The following EHBP1 variants were observed in gnomAD, a reference collection of about 807,000 sequenced individuals.
EHBP1 encodes EH domain-binding protein 1.
In EHBP1, 55 loss-of-function variants were observed where a neutral mutation model predicts 144.0. The ratio of observed to expected loss-of-function variants is 0.38; its 90% CI spans 0.31 to 0.48. EHBP1 has a LOEUF of 0.48. Ranked by LOEUF, EHBP1 falls within the 20% of genes least tolerant of loss-of-function variation. EHBP1 has a pLI of 0.98. For synonymous variants in EHBP1, 469 were observed against 472.7 expected (o/e 0.99, Z 0.10); for missense variants, 1,200 against 1,364.2 (o/e 0.88, Z 1.90).
chr2:62,745,877 C>G (rs2039104856), intron 2 of EHBP1, among the ~76,000 whole-genome samples: 1 of 151,972 alleles, frequency 6.6e-6, no homozygotes, highest in Admixed American at 6.6e-5. Flanking sequence ...GTCAAGTAAA[C>G]CTGTAAAATT....
chr2:62,864,709 T>C (rs1187536896), intron 8 of EHBP1, 22 bp from the exon 9 acceptor site: 1 of 1,589,014 alleles, frequency 6.3e-7, no homozygotes, highest in Non-Finnish European at 8.6e-7. Context: ...TGTGATTTAA[T>C]TCATCTGCTA....
intron 15 of EHBP1, 25 bp from the exon 16 acceptor site, chr2:62,990,691 T>G (rs1043880377): frequency 9.3e-6 from 15 of 1,611,246 alleles, no homozygotes; most frequent in Non-Finnish European, 1.3e-5. Flanking sequence ...CACTCAGTTA[T>G]TCATGGTATT....
chr2:62,857,687 C>T (rs2049166447), intron 7 of EHBP1, among the ~76,000 whole-genome samples: 1 of 152,094 alleles, frequency 6.6e-6, no homozygotes, highest in Non-Finnish European at 1.5e-5. Context: ...GTCTAATTTT[C>T]ACCCAATGAG....
chr2:62,859,885 T>A (rs899483470), intron 8 of EHBP1, among the ~76,000 whole-genome samples: 6 of 152,158 alleles, frequency 3.9e-5, no homozygotes, highest in African/African-American at 1.4e-4. Context: ...GAGACTTCTG[T>A]TTAATTGAAC....
At chr2:62,745,774 C>G (rs956565631) in intron 2 of EHBP1, among the ~76,000 whole-genome samples, 1 of 151,750 alleles carries the variant, frequency 6.6e-6, no homozygotes, top group Admixed American at 6.6e-5. Flanking sequence ...TGGAGGCTCT[C>G]CTAATCTGGA....
chr2:62,713,393 C>G (rs1187073194), intron 2 of EHBP1, among the ~76,000 whole-genome samples: 3 of 151,934 alleles, frequency 2.0e-5, no homozygotes, highest in African/African-American at 7.3e-5. Context: ...CGGCATGTAC[C>G]ACCATGTCTG....
chr2:62,689,200 T>G (rs1057292684), intron 1 of EHBP1, among the ~76,000 whole-genome samples: 2 of 152,176 alleles, frequency 1.3e-5, no homozygotes, highest in Admixed American at 1.3e-4. Flanking sequence ...ACACAGAAAC[T>G]TCAGTGCCTC....
chr2:62,942,742 T>A lies in EHBP1; in HGVS notation c.1210T>A (p.Leu404Met). 1.2e-6 allele frequency: 2 copies of A among 1,610,186 alleles called. No homozygotes were observed. The highest frequency in any genetic ancestry group is 1.7e-6 in the Non-Finnish European group (2 of 1,177,542). ...GCCAAGCCCTATACCAAGTCCTGTT[T>A]TGGGGCGAAAGCCAAATGCTAGTCA... ...PKPSPIPSPV[L>M]GRKPNASQSL... Residue 404 changes from leucine to methionine, a missense_variant, in exon 11 of 23, where the codon TTG becomes ATG. Leu to Met is a conservative substitution (Grantham distance 15). Transcript: ENST00000431489.
chr2:62,741,028 G>C (rs998062213), intron 2 of EHBP1, among the ~76,000 whole-genome samples: 15 of 152,000 alleles, frequency 9.9e-5, no homozygotes, highest in African/African-American at 3.6e-4. Flanking sequence ...TTTATTTTTT[G>C]CTCACTTCTC....
intron 7 of EHBP1, among the ~76,000 whole-genome samples, chr2:62,849,365 C>T (rs1048357176): frequency 1.3e-5 from 2 of 152,014 alleles, no homozygotes; most frequent in Admixed American, 6.6e-5. Context: ...CAAGATCAAA[C>T]GTGAGTAAAG....
chr2:62,894,927 A>AGAGAGAGAGAGAGAGAGAGAGAG (rs71410972), intron 10 of EHBP1, among the ~76,000 whole-genome samples: 11 of 141,222 alleles, frequency 7.8e-5, no homozygotes, highest in South Asian at 7.2e-4. Context: ...AACAGAAAGA[A>AGAGAGAGAGAGAGAGAGAGAGAG]AGAGAGAGAG....
intron 5 of EHBP1, among the ~76,000 whole-genome samples, chr2:62,816,694 A>G (rs1326837404): frequency 2.6e-5 from 4 of 152,222 alleles, no homozygotes; most frequent in Non-Finnish European, 4.4e-5. Flanking sequence ...TCATGGATTT[A>G]GCTAGTTTAA....
At chr2:63,025,389 T>A (rs1052709091) in intron 19 of EHBP1, among the ~76,000 whole-genome samples, 2 of 152,174 alleles carry the variant, frequency 1.3e-5, no homozygotes, top group Non-Finnish European at 2.9e-5. Flanking sequence ...AGGCTCTGAG[T>A]GGCTGGTACT....
At position 62,900,937 on chromosome 2, in the gene EHBP1, T is replaced by G. The variant is rs1375890176; in HGVS notation, c.1185+26405T>G. Among the ~76,000 whole-genome samples, 4 of 152,152 alleles carry G rather than the reference T, an allele frequency of 2.6e-5. No homozygotes were observed. The East Asian group carries it at 5.8e-4, about 22-fold the overall frequency. On this transcript the variant is annotated intron_variant, in intron 10 of 22. Coordinates refer to ENST00000431489, the MANE Select transcript of EHBP1 (RefSeq NM_001142616.3). ...AAGTTGTTCTTAGCAGTTGTTTGAG[T>G]TTATATGGTAAGTAGCCAAGTAATT...
rs147200492 is a variant in EHBP1, at chr2:62,892,337, A to G, written c.1185+17805A>G. Among the ~76,000 whole-genome samples the G allele has an allele frequency of 4.7e-4, 72 of 152,296 alleles. 1 individual carries two copies. Among genetic ancestry groups the G allele is most frequent in the African/African-American group, 1.5e-3 (64 of 41,584 alleles). ...TTAGTTTTTTGTGAAGACCATTCAC[A>G]TATAACTTCTTGTGGTAAATCTTCA... is the stretch of plus-strand genomic sequence containing the variant. On this transcript the variant is annotated intron_variant, in intron 10 of 22. Coordinates refer to ENST00000431489, the MANE Select transcript of EHBP1 (RefSeq NM_001142616.3).
At chr2:62,792,804 T>C (rs2043252755) in intron 5 of EHBP1, among the ~76,000 whole-genome samples, 1 of 152,080 alleles carries the variant, frequency 6.6e-6, no homozygotes, top group African/African-American at 2.4e-5. Context: ...TAAGTGCTGC[T>C]TACCTACAGT....
At chr2:63,002,620 A>G (rs530522714) in intron 19 of EHBP1, among the ~76,000 whole-genome samples, 1 of 152,164 alleles carries the variant, frequency 6.6e-6, no homozygotes, top group South Asian at 2.1e-4. Context: ...GCTATATATG[A>G]TCATAAAAGA....
At chr2:62,824,743 T>C (rs1197532558) in intron 5 of EHBP1, among the ~76,000 whole-genome samples, 1 of 151,978 alleles carries the variant, frequency 6.6e-6, no homozygotes, top group Non-Finnish European at 1.5e-5. Flanking sequence ...AACAAGGTAT[T>C]CTTTAGGGAT....
chr2:62,829,761 T>C (rs2046663351), intron 6 of EHBP1, among the ~76,000 whole-genome samples: 1 of 147,280 alleles, frequency 6.8e-6, no homozygotes, highest in African/African-American at 2.5e-5. Context: ...ATGTATATTA[T>C]ACATATATAC....
Sources: allele counts gnomAD v4.1 joint callset (sites outside exome capture counted in the v4.1 genomes callset), GRCh38; gene constraint gnomAD v4.1.1; transcripts MANE v1.5; gene names NCBI Gene and HGNC (gene_info 2026-07-23, HGNC 2026-07-21).